The following PCED1B variants were observed in gnomAD, a reference collection of about 807,000 sequenced individuals.
PCED1B encodes the protein PC-esterase domain containing 1B, also known as PC-esterase domain-containing protein 1B.
For missense variants in PCED1B, 573 were observed against 573.9 expected (o/e 1.00, Z 0.02); for synonymous variants, 251 against 246.1 (o/e 1.02, Z -0.19).
At chr12:47,118,082 G>A (rs1939509491) in intron 2 of PCED1B, among the ~76,000 whole-genome samples, 1 of 152,100 alleles carries the variant, frequency 6.6e-6, no homozygotes, top group Admixed American at 6.6e-5. Flanking sequence ...TAAGTTCTTT[G>A]TACATTCTGG....
intron 2 of PCED1B, among the ~76,000 whole-genome samples, chr12:47,130,665 G>T (rs1940088301): frequency 1.3e-5 from 2 of 152,040 alleles, no homozygotes; most frequent in Non-Finnish European, 2.9e-5. Context: ...CTCCAACCTG[G>T]ATAACAAAGT....
chr12:47,220,344 G>T (rs832720), intron 3 of PCED1B, among the ~76,000 whole-genome samples: 8,671 of 151,980 alleles, frequency 0.057, 325 homozygotes, highest in African/African-American at 0.11. Context: ...GCTAATTTTT[G>T]TATTTTTAGT....
chr12:47,223,288 A>G (rs1943540501), intron 3 of PCED1B, among the ~76,000 whole-genome samples: 1 of 152,142 alleles, frequency 6.6e-6, no homozygotes, highest in South Asian at 2.1e-4. Flanking sequence ...TAAGAACCAA[A>G]AAGTGGCCAC....
At chr12:47,108,066 G>A (rs1186738584) in intron 2 of PCED1B, among the ~76,000 whole-genome samples, 1 of 152,220 alleles carries the variant, frequency 6.6e-6, no homozygotes, top group Non-Finnish European at 1.5e-5. Context: ...AGAGCCCTCA[G>A]TAAACAGTAG....
At chr12:47,120,527 C>T (rs944188433) in intron 2 of PCED1B, among the ~76,000 whole-genome samples, 9 of 152,124 alleles carry the variant, frequency 5.9e-5, no homozygotes, top group Non-Finnish European at 1.2e-4. Context: ...ACAGGCCAGA[C>T]GCAGTGGCTC....
At chr12:47,201,655 A>G (rs936285720) in intron 2 of PCED1B, among the ~76,000 whole-genome samples, 2 of 151,728 alleles carry the variant, frequency 1.3e-5, no homozygotes, top group Non-Finnish European at 2.9e-5. Context: ...CTGGAATGCA[A>G]TGGTGCGATC....
In PCED1B at chr12:47,146,709, TTAA is replaced by T. The variant is rs550440159; in HGVS notation, c.-526+42518_-526+42520del. On this transcript the variant is annotated intron_variant, in intron 2 of 3. Coordinates refer to ENST00000546455, the MANE Select transcript of PCED1B (RefSeq NM_138371.3). ...TTTTAGATACAATGATATTGCACAC[TTAA>T]TAAAGTATAGTGTAAACATAACTTT... Among the ~76,000 whole-genome samples the T allele has an allele frequency of 2.1e-3, 313 of 152,326 alleles. 2 individuals are homozygous for T. The highest frequency in any genetic ancestry group is 2.7e-3 in the Non-Finnish European group (182 of 68,026).
At chr12:47,120,240 G>A (rs1426316906) in intron 2 of PCED1B, among the ~76,000 whole-genome samples, 3 of 152,116 alleles carry the variant, frequency 2.0e-5, no homozygotes, top group Non-Finnish European at 2.9e-5. Flanking sequence ...TAGTGGAAAT[G>A]TAAAATGATG....
intron 2 of PCED1B, among the ~76,000 whole-genome samples, chr12:47,147,752 A>G (rs1234354277): frequency 1.3e-5 from 2 of 152,204 alleles, no homozygotes; most frequent in African/African-American, 2.4e-5. Flanking sequence ...GAGAACATCT[A>G]GGCTCTCCCT....
At chr12:47,138,658 C>T (rs138327058) in intron 2 of PCED1B, among the ~76,000 whole-genome samples, 16 of 152,184 alleles carry the variant, frequency 1.1e-4, no homozygotes, top group African/African-American at 3.6e-4. Context: ...TTGAATGGAT[C>T]CAGTACGTAT....
intron 2 of PCED1B, among the ~76,000 whole-genome samples, chr12:47,202,969 TTTC>T (rs1416260096): frequency 2.8e-5 from 4 of 141,296 alleles, no homozygotes; most frequent in African/African-American, 7.5e-5. Context: ...TTCTCTTTTC[TTTC>T]TTTTTTTTTT....
chr12:47,227,480 G>A (rs1188772345), intron 3 of PCED1B, among the ~76,000 whole-genome samples: 2 of 151,790 alleles, frequency 1.3e-5, no homozygotes, highest in Non-Finnish European at 2.9e-5. Flanking sequence ...GCCCCATTTC[G>A]GGTTCTAACT....
intron 2 of PCED1B, among the ~76,000 whole-genome samples, chr12:47,186,205 G>A (rs1318889435): frequency 1.4e-5 from 2 of 140,156 alleles, no homozygotes; most frequent in East Asian, 2.1e-4. Context: ...GTGACAGAGT[G>A]AGACTCCGTC....
intron 3 of PCED1B, among the ~76,000 whole-genome samples, chr12:47,229,776 C>CT (rs111268333): frequency 0.02 from 2,870 of 146,296 alleles, 44 homozygotes; most frequent in South Asian, 0.03. Context: ...CATTTCTTTT[C>CT]TTTTTTTTTT....
At chr12:47,137,881 G>T (rs529774988) in intron 2 of PCED1B, among the ~76,000 whole-genome samples, 1 of 152,258 alleles carries the variant, frequency 6.6e-6, no homozygotes, top group East Asian at 1.9e-4. Context: ...GAAGCTAAGA[G>T]GTGTGAGCCA....
intron 2 of PCED1B, among the ~76,000 whole-genome samples, chr12:47,110,872 G>A (rs534354434): frequency 7.2e-4 from 109 of 152,270 alleles, no homozygotes; most frequent in South Asian, 1.7e-3. Context: ...TTGATGTCCC[G>A]CATCACAGTT....
intron 2 of PCED1B, among the ~76,000 whole-genome samples, chr12:47,149,485 C>T (rs1411841388): frequency 6.6e-6 from 1 of 152,186 alleles, no homozygotes; most frequent in East Asian, 1.9e-4. Flanking sequence ...GACTGGCTTA[C>T]ACATTAGTAA....
chr12:47,200,527 A>AG (rs1186000952), intron 2 of PCED1B, among the ~76,000 whole-genome samples: 2 of 152,238 alleles, frequency 1.3e-5, no homozygotes, highest in African/African-American at 4.8e-5. Flanking sequence ...TTCACAAGGC[A>AG]GATTGGCAGC....
chr12:47,172,458 A>G (rs11608419), intron 2 of PCED1B, among the ~76,000 whole-genome samples: 43,505 of 151,142 alleles, frequency 0.29, 6,644 homozygotes, highest in East Asian at 0.56. Context: ...CCTGGGTGAC[A>G]GGGTGAGACC....
Sources: allele counts gnomAD v4.1 joint callset (sites outside exome capture counted in the v4.1 genomes callset), GRCh38; gene constraint gnomAD v4.1.1; transcripts MANE v1.5; gene names NCBI Gene and HGNC (gene_info 2026-07-23, HGNC 2026-07-21).